HDAC4: variants seen among roughly 807,000 people sequenced by gnomAD.
The protein encoded by HDAC4 is histone deacetylase A.
In HDAC4, 16 loss-of-function variants were observed where a neutral mutation model predicts 135.1. The ratio of observed to expected loss-of-function variants is 0.12; its 90% CI spans 0.08 to 0.18. HDAC4 has a LOEUF of 0.18. HDAC4 is among the 10% of genes least tolerant of loss of function. The pLI is 1.00. For missense variants in HDAC4, 1,143 were observed against 1,511.8 expected, an observed-to-expected ratio of 0.76 and a Z score of 4.05; for synonymous variants, 685 against 653.4, an observed-to-expected ratio of 1.05 and a Z score of -0.74.
intron 2 of HDAC4, among the ~76,000 whole-genome samples, chr2:239,291,186 G>A (rs2051469213): frequency 6.6e-6 from 1 of 152,200 alleles, no homozygotes. Flanking sequence ...CTTTTGACTG[G>A]GACGCTGCCG....
upstream of HDAC4, chr2:239,401,483 C>T (rs1696993389): frequency 1.2e-5 from 2 of 171,462 alleles, no homozygotes; most frequent in African/African-American, 4.8e-5. Flanking sequence ...TGGCCGTAAA[C>T]ACGGGCCCCG....
chr2:239,251,380 G>C lies in HDAC4; in HGVS notation c.23-14716C>G, dbSNP rs1030741579. On this transcript the variant is annotated intron_variant, in intron 2 of 26. Coordinates refer to ENST00000543185, the MANE Select transcript of HDAC4 (RefSeq NM_001378414.1). Reference sequence around the variant, plus strand: ...GGAATGAGGCGGGAATATTGCTTGAGGTCAGGAATTCAAGACCAGCCTCAG... The same window carrying C: ...GGAATGAGGCGGGAATATTGCTTGACGTCAGGAATTCAAGACCAGCCTCAG... 3.3e-5 allele frequency among the ~76,000 whole-genome samples: 5 copies of C among 152,176 alleles called. No individual in the cohort carries two copies. The East Asian group carries it at 9.7e-4, about 30-fold the overall frequency.
At chr2:239,120,819 T>G (rs1012340514) in intron 12 of HDAC4, among the ~76,000 whole-genome samples, 2 of 148,022 alleles carry the variant, frequency 1.4e-5, no homozygotes, top group East Asian at 2.0e-4. Context: ...TAGGGTGGGG[T>G]GGAGGACAAG....
intron 1 of HDAC4, among the ~76,000 whole-genome samples, chr2:239,361,625 A>G (rs1212330743): frequency 6.6e-6 from 1 of 152,234 alleles, no homozygotes; most frequent in Non-Finnish European, 1.5e-5. Flanking sequence ...TCATAAAGAA[A>G]GCAGCGCTAT....
chr2:239,077,004 C>A (rs1237378645), intron 22 of HDAC4, among the ~76,000 whole-genome samples: 2 of 152,262 alleles, frequency 1.3e-5, no homozygotes, highest in Admixed American at 1.3e-4. Flanking sequence ...GAGATGGCCC[C>A]ACCTCACCAG....
chr2:239,328,231 C>G (rs2053526810), intron 2 of HDAC4, among the ~76,000 whole-genome samples: 1 of 152,218 alleles, frequency 6.6e-6, no homozygotes, highest in African/African-American at 2.4e-5. Flanking sequence ...TCCCCGGTAA[C>G]CCAGGACTGT....
intron 2 of HDAC4, among the ~76,000 whole-genome samples, chr2:239,301,233 T>C (rs1313062052): frequency 6.6e-6 from 1 of 152,132 alleles, no homozygotes; most frequent in Non-Finnish European, 1.5e-5. Flanking sequence ...CAGCCTCTGG[T>C]TCTAAAGTCG....
intron 24 of HDAC4, 76 bp downstream of exon 24, chr2:239,066,646 G>A: frequency 6.2e-7 from 1 of 1,604,984 alleles, no homozygotes; most frequent in Non-Finnish European, 8.5e-7. Context: ...CATGCTCTGG[G>A]GCTCTCGGGC....
intron 12 of HDAC4, among the ~76,000 whole-genome samples, chr2:239,120,745 T>C (rs2039612510): frequency 6.6e-6 from 1 of 151,438 alleles, no homozygotes; most frequent in African/African-American, 2.4e-5. Context: ...GGGGCCATTC[T>C]GAAGTGGATA....
At chr2:239,057,275 G>C (rs2031999937) in intron 24 of HDAC4, among the ~76,000 whole-genome samples, 1 of 152,146 alleles carries the variant, frequency 6.6e-6, no homozygotes, top group East Asian at 1.9e-4. Flanking sequence ...TAATTGATTA[G>C]ATCCTTAAAG....
intron 8 of HDAC4, 21 bp downstream of exon 8, chr2:239,144,562 G>GTACC (rs751655796): frequency 3.7e-5 from 59 of 1,612,786 alleles, no homozygotes; most frequent in Non-Finnish European, 4.9e-5. Flanking sequence ...CGGGGCGGGT[G>GTACC]TACCTGCTCA....
chr2:239,054,005 G>T (rs2031350529), intron 25 of HDAC4, among the ~76,000 whole-genome samples: 1 of 151,836 alleles, frequency 6.6e-6, no homozygotes, highest in African/African-American at 2.4e-5. Flanking sequence ...GGGCTGAGGG[G>T]TCTTCTGCCT....
intron 7 of HDAC4, among the ~76,000 whole-genome samples, chr2:239,155,175 A>G (rs1181321233): frequency 4.0e-5 from 6 of 151,460 alleles, no homozygotes; most frequent in African/African-American, 9.7e-5. Context: ...CACCTGGGAC[A>G]TGGCTGACCC....
In HDAC4 at chr2:239,315,610, G is replaced by A. The variant is rs1277980758; in HGVS notation, c.22+37068C>T. Among the ~76,000 whole-genome samples the A allele has an allele frequency of 2.0e-5, 3 of 152,240 alleles. No individual in the cohort carries two copies. The South Asian group carries it at 6.2e-4, about 32-fold the overall frequency. On this transcript the variant is annotated intron_variant, in intron 2 of 26. Coordinates refer to ENST00000543185, the MANE Select transcript of HDAC4 (RefSeq NM_001378414.1). ...AAAGTCCAGAAACAGAAGTACAGAC[G>A]GAACTCCAGGGCAGGATAAAGGTGC...
In HDAC4 at chr2:239,102,984, C is replaced by T. The variant is rs142949524; in HGVS notation, c.2113-88G>A. 0.011 allele frequency: 16,426 copies of T among 1,532,032 alleles called. 113 individuals are homozygous for T. The highest frequency in any genetic ancestry group is 0.013 in the Non-Finnish European group (14,557 of 1,112,914). The allele number at this position is 1,532,032 out of a possible 1,614,324, so 94.9% of individuals were successfully genotyped here. A position where few individuals can be genotyped will look rare whatever the true frequency, so the allele number is the denominator to read the frequency against. On this transcript the variant is annotated intron_variant, in intron 15 of 26. Coordinates refer to ENST00000543185, the MANE Select transcript of HDAC4 (RefSeq NM_001378414.1). ...ACAGAAACTCCAACTGAAACCATTGCCCAAAAGGAAACTTAATTTGATACA... is the reference window on the plus strand; with the variant it reads ...ACAGAAACTCCAACTGAAACCATTGTCCAAAAGGAAACTTAATTTGATACA...
At chr2:239,376,280 C>T (rs1039436823) in intron 1 of HDAC4, among the ~76,000 whole-genome samples, 2 of 152,022 alleles carry the variant, frequency 1.3e-5, no homozygotes, top group Non-Finnish European at 2.9e-5. Flanking sequence ...CACAACCCTC[C>T]ACCATCCAAA....
chr2:239,251,110 T>C (rs2124954246), intron 2 of HDAC4, among the ~76,000 whole-genome samples: 1 of 152,362 alleles, frequency 6.6e-6, no homozygotes, highest in East Asian at 1.9e-4. Context: ...GTGGTTTCCA[T>C]GTCCTCAACT....
chr2:239,377,436 C>T (rs752622559), intron 1 of HDAC4, among the ~76,000 whole-genome samples: 11 of 152,218 alleles, frequency 7.2e-5, no homozygotes, highest in Non-Finnish European at 1.6e-4. Flanking sequence ...AGGGCTGCCC[C>T]GACGCCTGCA....
intron 2 of HDAC4, among the ~76,000 whole-genome samples, chr2:239,242,255 A>T (rs962216327): frequency 4.9e-5 from 6 of 122,756 alleles, no homozygotes; most frequent in Non-Finnish European, 8.5e-5. Flanking sequence ...GGAGGGAGGG[A>T]GGGAAACGAA....
Sources: allele counts gnomAD v4.1 joint callset (sites outside exome capture counted in the v4.1 genomes callset), GRCh38; gene constraint gnomAD v4.1.1; transcripts MANE v1.5; gene names NCBI Gene and HGNC (gene_info 2026-07-23, HGNC 2026-07-21).